PNISR: variants seen among roughly 807,000 people sequenced by gnomAD.
PNISR encodes PNN interacting serine and arginine rich protein.
A neutral mutation model predicts 93.4 loss-of-function variants in PNISR; 20 were observed. The ratio of observed to expected loss-of-function variants is 0.21; its 90% confidence interval spans 0.15 to 0.31. The LOEUF (loss-of-function observed/expected upper bound fraction) is 0.31, where lower values mean the gene tolerates loss of function less well. Ranked by LOEUF, PNISR falls within the 10% of genes least tolerant of loss-of-function variation. The pLI is 1.00. For synonymous variants in PNISR, 305 were observed against 306.5 expected (o/e 0.99, Z 0.05); for missense variants, 893 against 985.4 (o/e 0.91, Z 1.25).
chr6:99,421,502 A>G (rs1778546457), intron 1 of PNISR, among the ~76,000 whole-genome samples: 2 of 152,224 alleles, frequency 1.3e-5, no homozygotes, highest in South Asian at 4.1e-4. Context: ...AAAAGGAGAC[A>G]TAAGACACTT....
chr6:99,400,803 T>C lies in PNISR; in HGVS notation c.2155A>G (p.Arg719Gly), dbSNP rs1274618809. The change falls in exon 12 of 12, where the codon AGA becomes GGA. Residue 719 changes from arginine (R) to glycine (G), a missense_variant. Around this residue, in one of 3 missense-constraint regions of PNISR, gnomAD observed 866 missense variants for 935.1 expected, o/e 0.93. Coordinates refer to ENST00000369239, the MANE Select transcript of PNISR (RefSeq NM_032870.4). ...DRLKRKRESE[R>G]TFSRSGSISV... ...ATAGAACCACTCCTAGAAAATGTTC[T>C]TTCACTTTCTCGTTTCCTTTTTAAT... The C allele has an allele frequency of 5.6e-6, 9 of 1,611,978 alleles. No homozygotes were observed. The highest frequency in any genetic ancestry group is 7.6e-6 in the Non-Finnish European group (9 of 1,178,502).
At chr6:99,416,117 TG>T in intron 2 of PNISR, 1 of 317,344 alleles carries the variant, frequency 3.2e-6, no homozygotes, top group Non-Finnish European at 5.7e-6. Flanking sequence ...GGCCAACAAC[TG>T]GTTTGGGTAT....
At chr6:99,407,759 T>C (rs537158521) in intron 7 of PNISR, among the ~76,000 whole-genome samples, 141 of 152,328 alleles carry the variant, frequency 9.3e-4, no homozygotes, top group African/African-American at 2.7e-3. Flanking sequence ...GGAGATTTTA[T>C]TTCTCTATTA....
chr6:99,408,463 C>A (rs567743101), intron 6 of PNISR, among the ~76,000 whole-genome samples, 192 bp from the exon 7 acceptor site: 5 of 152,286 alleles, frequency 3.3e-5, no homozygotes. Context: ...AAACCATCAT[C>A]TAATTTAATC....
At position 99,406,047 on chromosome 6, in the gene PNISR, T is replaced by C. The variant is rs897742679; in HGVS notation, c.986A>G (p.Glu329Gly). 16 of 1,609,052 alleles carry C rather than the reference T, an allele frequency of 9.9e-6. No homozygotes were observed. The highest frequency in any genetic ancestry group is 2.2e-5 in the East Asian group (1 of 44,812). Residue 329 changes from glutamate to glycine, a missense_variant, in exon 8 of 12, where the codon GAG (glutamate) becomes GGG (glycine). Physicochemically the swap from Glu to Gly is moderately conservative, Grantham distance 98 (BLOSUM62 -2). Transcript: ENST00000369239. ...ACATTCTACCATTTGATACTCTTTC[T>C]CCTCTTCAGTCATCTCAGGGTCACT... ...EHSDPEMTEEEKEYQMMLLTK... is the reference protein window; with the variant it reads ...EHSDPEMTEEGKEYQMMLLTK...
At chr6:99,417,685 GC>G (rs1777881593) in intron 1 of PNISR, among the ~76,000 whole-genome samples, 2 of 152,248 alleles carry the variant, frequency 1.3e-5, no homozygotes, top group South Asian at 4.1e-4. Context: ...AAGGTGATCG[GC>G]CGAGCGCGGT....
rs1775916314 is a variant in PNISR, at chr6:99,404,651, C to T, written c.1054G>A (p.Glu352Lys). ...TCTTTGGCTACGTAATAAATTTCTT[C>T]ATCTGTGACATCCAGCAGAATTTCT... Reference protein sequence around the residue: ...LTEILLDVTDEEIYYVAKDAH... With the variant: ...LTEILLDVTDKEIYYVAKDAH... Residue 352 changes from glutamate to lysine, a missense_variant, in exon 9 of 12, where the codon GAA becomes AAA. Physicochemically the swap from Glu to Lys is moderately conservative, Grantham distance 56 (BLOSUM62 1). This residue lies in a region of PNISR where 866 missense variants were observed against 935.1 expected (regional missense o/e 0.93). Coordinates refer to ENST00000369239, the MANE Select transcript of PNISR (RefSeq NM_032870.4). 1 of 1,607,552 alleles carries T rather than the reference C, an allele frequency of 6.2e-7. No homozygotes were observed. Among genetic ancestry groups the T allele is most frequent in the Non-Finnish European group, 8.5e-7 (1 of 1,174,072 alleles).
chr6:99,414,849 C>A (rs116227737), intron 2 of PNISR, 159 bp from the exon 3 acceptor site: 3 of 399,014 alleles, frequency 7.5e-6, no homozygotes, highest in Middle Eastern at 6.6e-4. Context: ...GGGTACCAAA[C>A]GAGGTAGAAA....
chr6:99,400,970 T>G lies in PNISR; in HGVS notation c.1988A>C (p.Gln663Pro). 6.2e-7 allele frequency: 1 copy of G among 1,609,742 alleles called. No homozygotes were observed. ...SHKHKGEAKE[Q>P]ERKKERSRSI... Reference sequence around the variant, plus strand: ...TCGACTCCTCTCCTTTTTCCTCTCTTGTTCTTTAGCCTCACCTTTATGCTT... The same window carrying G: ...TCGACTCCTCTCCTTTTTCCTCTCTGGTTCTTTAGCCTCACCTTTATGCTT... Residue 663 changes from glutamine (Q) to proline (P), a missense_variant, in exon 12 of 12, where the codon CAA becomes CCA. This residue lies in a region of PNISR where 866 missense variants were observed against 935.1 expected (regional missense o/e 0.93). Coordinates refer to ENST00000369239, the MANE Select transcript of PNISR (RefSeq NM_032870.4).
intron 1 of PNISR, among the ~76,000 whole-genome samples, chr6:99,418,326 G>A (rs998512778): frequency 6.6e-6 from 1 of 151,524 alleles, no homozygotes; most frequent in Non-Finnish European, 1.5e-5. Flanking sequence ...CAGTAGAGAC[G>A]GGGTTTCACT....
Position 99,406,045 on chromosome 6 carries a change from T to C in PNISR, c.988A>G (p.Lys330Glu). 6.2e-7 allele frequency: 1 copy of C among 1,608,564 alleles called. No individual in the cohort carries two copies. The highest frequency in any genetic ancestry group is 8.5e-7 in the Non-Finnish European group (1 of 1,177,060). ...TAACATTCTACCATTTGATACTCTTTCTCCTCTTCAGTCATCTCAGGGTCA... is the reference window on the plus strand; with the variant it reads ...TAACATTCTACCATTTGATACTCTTCCTCCTCTTCAGTCATCTCAGGGTCA... ...HSDPEMTEEEKEYQMMLLTKM... is the reference protein window; with the variant it reads ...HSDPEMTEEEEEYQMMLLTKM... Residue 330 changes from lysine to glutamate, a missense_variant, in exon 8 of 12, where the codon AAA becomes GAA. Physicochemically the swap from Lys to Glu is moderately conservative, Grantham distance 56. Transcript: ENST00000369239.
intron 2 of PNISR, 93 bp downstream of exon 2, chr6:99,416,256 C>G (rs935801444): frequency 1.4e-4 from 60 of 418,018 alleles, no homozygotes; most frequent in Non-Finnish European, 4.1e-5. Context: ...TTATCAGAGC[C>G]CTTGAAAAGT....
At chr6:99,421,557 G>A (rs1220360371) in intron 1 of PNISR, among the ~76,000 whole-genome samples, 3 of 152,156 alleles carry the variant, frequency 2.0e-5, no homozygotes, top group Non-Finnish European at 4.4e-5. Context: ...ATTGGGAGTA[G>A]ATGGCTCTAT....
chr6:99,399,572 CAA>C lies in PNISR; in HGVS notation c.*966_*967del, dbSNP rs1256465679. ...TAGTTCCAGACTTGACTATTACTGT[CAA>C]ACACAATCGTTCCTTACAAATAACT... On this transcript the variant is annotated 3_prime_UTR_variant, in exon 12 of 12. Transcript: ENST00000369239. 1 of 152,130 alleles carries C rather than the reference CAA, an allele frequency of 6.6e-6. No homozygotes were observed. The highest frequency in any genetic ancestry group is 1.5e-5 in the Non-Finnish European group (1 of 67,996). The allele number at this position is 152,130 out of a possible 1,614,324, so 9.4% of individuals were successfully genotyped here. A position where few individuals can be genotyped will look rare whatever the true frequency, so the allele number is the denominator to read the frequency against.
rs1582764237 is a variant in PNISR, at chr6:99,402,577, T to C, written c.1290A>G (p.Glu430=). The C allele has an allele frequency of 6.2e-7, 1 of 1,613,706 alleles. No individual in the cohort carries two copies. The highest frequency in any genetic ancestry group is 8.5e-7 in the Non-Finnish European group (1 of 1,179,714). The change falls in exon 11 of 12, where the codon GAA becomes GAG. Residue 430 remains glutamate (E), a synonymous_variant. Coordinates refer to ENST00000369239, the MANE Select transcript of PNISR (RefSeq NM_032870.4). ...RQKQEAFWRK[E]KEQQLLHDKQ... ...TATCATGTAATAGCTGCTGTTCTTT[T>C]TCTTTTCTCCAAAAAGCTTCCTGTT...
At chr6:99,412,373 A>G (rs1777055104) in intron 4 of PNISR, 178 bp downstream of exon 4, 1 of 697,528 alleles carries the variant, frequency 1.4e-6, no homozygotes, top group South Asian at 1.5e-5. Context: ...AGCTAGCAGA[A>G]TGAGTACAGA....
chr6:99,412,466 A>T, intron 4 of PNISR, 85 bp downstream of exon 4: 1 of 919,090 alleles, frequency 1.1e-6, no homozygotes, highest in Non-Finnish European at 1.7e-6. Flanking sequence ...CAGAAGTCAT[A>T]CAACTAAGCA....
chr6:99,402,613 T>C lies in PNISR; in HGVS notation c.1254A>G (p.Arg418=). 6.2e-7 allele frequency: 1 copy of C among 1,613,802 alleles called. No homozygotes were observed. Among genetic ancestry groups the C allele is most frequent in the South Asian group, 1.1e-5 (1 of 91,058 alleles). ...SDTDDEELRH[R]IRQKQEAFWR... ...AAAAAGCTTCCTGTTTTTGCCGGAT[T>C]CGATGCCGTAATTCTTCATCATCAG... The change falls in exon 11 of 12, where the codon CGA becomes CGG. Residue 418 remains arginine, a synonymous_variant. Coordinates refer to ENST00000369239, the MANE Select transcript of PNISR (RefSeq NM_032870.4).
chr6:99,423,769 C>T (rs117612647), intron 1 of PNISR, among the ~76,000 whole-genome samples: 2,189 of 152,252 alleles, frequency 0.014, 42 homozygotes, highest in Non-Finnish European at 0.019. Context: ...TAACAAAGTA[C>T]CAAAGACTGG....
Sources: gnomAD v4.1 joint callset for allele counts (sites outside exome capture counted in the v4.1 genomes callset) on GRCh38, gnomAD v4.1.1 for gene constraint, gnomAD v4.1.1 regional missense constraint, MANE v1.5 for transcripts, NCBI Gene and HGNC (gene_info 2026-07-23, HGNC 2026-07-21) for gene names.